ZNF804B: variants seen among roughly 807,000 people sequenced by gnomAD.
ZNF804B encodes zinc finger protein 804B.
ZNF804B carries 80 observed loss-of-function variants against 101.4 expected under a neutral mutation model. That is an observed-to-expected ratio of 0.79 (90% CI 0.66 to 0.95). The LOEUF (loss-of-function observed/expected upper bound fraction) is 0.95. Among genes scored for constraint, ZNF804B ranks in the 40% least tolerant of loss-of-function variants. The pLI is 0.00. For missense variants in ZNF804B, 1,673 were observed against 1,561.9 expected (o/e 1.07, Z -1.20); for synonymous variants, 622 against 558.8 (o/e 1.11, Z -1.59).
At chr7:89,040,270 A>G (rs1161201830) in intron 1 of ZNF804B, among the ~76,000 whole-genome samples, 1 of 150,568 alleles carries the variant, frequency 6.6e-6, no homozygotes, top group Non-Finnish European at 1.5e-5. Context: ...TACTCTTTTT[A>G]TCTTTTATTT....
intron 1 of ZNF804B, among the ~76,000 whole-genome samples, chr7:88,917,778 C>G (rs983235028): frequency 2.0e-5 from 3 of 152,084 alleles, no homozygotes; most frequent in Non-Finnish European, 2.9e-5. Context: ...ATTCTAGTGA[C>G]AGTAAACCCT....
chr7:88,808,577 G>A (rs1201081175), intron 1 of ZNF804B, among the ~76,000 whole-genome samples: 2 of 151,974 alleles, frequency 1.3e-5, no homozygotes, highest in African/African-American at 2.4e-5. Context: ...TCTAACTCTC[G>A]CATTATGTCT....
In ZNF804B at chr7:89,140,886, A is replaced by G. The variant is rs556447036; in HGVS notation, c.109-77269A>G. On this transcript the variant is annotated intron_variant, in intron 1 of 3. Transcript: ENST00000333190. Reference sequence around the variant, plus strand: ...TAAGTGTTTGATAAAGAGACCTGGCATTCAATCTATGTCAGCTTTCAATAT... The same window carrying G: ...TAAGTGTTTGATAAAGAGACCTGGCGTTCAATCTATGTCAGCTTTCAATAT... Among the ~76,000 whole-genome samples the G allele has an allele frequency of 3.3e-5, 5 of 152,194 alleles. No homozygotes were observed. In the South Asian group the frequency reaches 8.3e-4, roughly 25 times the overall value.
At chr7:89,071,614 C>A (rs373920884) in intron 1 of ZNF804B, among the ~76,000 whole-genome samples, 4 of 152,106 alleles carry the variant, frequency 2.6e-5, no homozygotes, top group African/African-American at 9.7e-5. Context: ...TTTTCTGACT[C>A]ATTCAATTAC....
intron 1 of ZNF804B, among the ~76,000 whole-genome samples, chr7:88,778,253 T>C (rs990087268): frequency 4.6e-5 from 7 of 152,196 alleles, no homozygotes; most frequent in African/African-American, 1.4e-4. Context: ...AAACTTCCTC[T>C]CATGCTGCCA....
intron 2 of ZNF804B, among the ~76,000 whole-genome samples, chr7:89,260,160 C>T (rs1307978528): frequency 6.6e-6 from 1 of 152,138 alleles, no homozygotes; most frequent in African/African-American, 2.4e-5. Flanking sequence ...TGTGGTACAA[C>T]GAAGACTGCC....
At position 89,336,403 on chromosome 7, in the gene ZNF804B, C is replaced by T; in HGVS notation, c.3421C>T (p.Pro1141Ser). The T allele has an allele frequency of 6.2e-7, 1 of 1,613,994 alleles. No individual in the cohort carries two copies. Among genetic ancestry groups the T allele is most frequent in the South Asian group, 1.1e-5 (1 of 91,080 alleles). The part of the protein sequence containing the change: ...GLEMCHKSIS[P>S]PLIQQPITFS... ...AGAAATGTGTCATAAATCTATCTCT[C>T]CCCCTTTAATTCAACAGCCCATAAC... is the stretch of plus-strand genomic sequence containing the variant. The change falls in exon 4 of 4, where the codon CCC (proline) becomes TCC (serine). Residue 1141 changes from proline (P) to serine (S), a missense_variant. Transcript: ENST00000333190.
At chr7:89,025,132 T>C (rs1368044517) in intron 1 of ZNF804B, among the ~76,000 whole-genome samples, 1 of 152,102 alleles carries the variant, frequency 6.6e-6, no homozygotes, top group African/African-American at 2.4e-5. Context: ...TTAAGCATTT[T>C]ATTGATTCTC....
intron 2 of ZNF804B, among the ~76,000 whole-genome samples, chr7:89,280,813 T>G (rs1395515356): frequency 1.3e-5 from 2 of 152,238 alleles, no homozygotes; most frequent in Non-Finnish European, 2.9e-5. Context: ...CACAGCCGAA[T>G]TCTACCAGAG....
At chr7:89,159,162 T>C (rs762579829) in intron 1 of ZNF804B, among the ~76,000 whole-genome samples, 1 of 152,184 alleles carries the variant, frequency 6.6e-6, no homozygotes, top group Non-Finnish European at 1.5e-5. Context: ...AAAAGTATCT[T>C]AATGAGTAGT....
chr7:89,129,052 C>G (rs911614964), intron 1 of ZNF804B, among the ~76,000 whole-genome samples: 4 of 151,978 alleles, frequency 2.6e-5, no homozygotes, highest in Non-Finnish European at 5.9e-5. Flanking sequence ...TTTCCAGGGA[C>G]AGGCCTAGAA....
At chr7:89,149,800 G>T (rs975216922) in intron 1 of ZNF804B, among the ~76,000 whole-genome samples, 1 of 151,090 alleles carries the variant, frequency 6.6e-6, no homozygotes, top group African/African-American at 2.4e-5. Context: ...AGAGGCTTTT[G>T]CAGGGATTCC....
rs192756629 is a variant in ZNF804B, at chr7:88,858,800, G to C, written c.108+98716G>C. ...CAGAATAATGATTTTGAAAATAACT[G>C]TTAGCATTATGTATTTGAGAAAACA... On this transcript the variant is annotated intron_variant, in intron 1 of 3. Transcript: ENST00000333190. Among the ~76,000 whole-genome samples, 19 of 152,252 alleles carry C rather than the reference G, an allele frequency of 1.2e-4. No homozygotes were observed. In the East Asian group the frequency reaches 3.5e-3, roughly 28 times the overall value.
intron 1 of ZNF804B, among the ~76,000 whole-genome samples, chr7:89,023,567 C>G (rs562377893): frequency 1.2e-4 from 19 of 152,112 alleles, no homozygotes; most frequent in Non-Finnish European, 2.5e-4. Flanking sequence ...GAGCATTTTA[C>G]TAGAGTTTAT....
At chr7:89,183,119 A>T (rs570704087) in intron 1 of ZNF804B, among the ~76,000 whole-genome samples, 3 of 152,192 alleles carry the variant, frequency 2.0e-5, no homozygotes, top group Non-Finnish European at 4.4e-5. Flanking sequence ...GTTGGCTAAA[A>T]TATAAACATG....
intron 2 of ZNF804B, among the ~76,000 whole-genome samples, chr7:89,250,144 G>A (rs891812594): frequency 4.0e-5 from 6 of 151,852 alleles, no homozygotes; most frequent in Non-Finnish European, 7.4e-5. Context: ...CTGAGATCAC[G>A]CCACTGCACT....
intron 1 of ZNF804B, among the ~76,000 whole-genome samples, chr7:88,966,366 A>G (rs1048114050): frequency 1.3e-5 from 2 of 151,668 alleles, no homozygotes; most frequent in African/African-American, 2.4e-5. Flanking sequence ...AACTATTGCA[A>G]CTAATCATAA....
intron 2 of ZNF804B, among the ~76,000 whole-genome samples, chr7:89,316,562 T>C (rs1307047575): frequency 1.3e-5 from 2 of 152,116 alleles, no homozygotes; most frequent in Non-Finnish European, 2.9e-5. Flanking sequence ...ATATGTAAGC[T>C]GAGTCTTCCA....
chr7:89,333,902 A>G lies in ZNF804B; in HGVS notation c.920A>G (p.His307Arg). The G allele has an allele frequency of 1.2e-6, 2 of 1,613,566 alleles. No homozygotes were observed. The highest frequency in any genetic ancestry group is 1.7e-5 in the Admixed American group (1 of 59,876). The change falls in exon 4 of 4, where the codon CAC becomes CGC. Residue 307 changes from histidine to arginine, a missense_variant. Coordinates refer to ENST00000333190, the MANE Select transcript of ZNF804B (RefSeq NM_181646.5). ...SINSKILQDK[H>R]DSIDETLEDS... ...AACTCTAAAATTTTGCAAGACAAACACGACTCTATTGATGAGACACTAGAA... is the reference window on the plus strand; with the variant it reads ...AACTCTAAAATTTTGCAAGACAAACGCGACTCTATTGATGAGACACTAGAA...
Sources: allele counts gnomAD v4.1 joint callset (sites outside exome capture counted in the v4.1 genomes callset), GRCh38; gene constraint gnomAD v4.1.1; transcripts MANE v1.5; gene names NCBI Gene and HGNC (gene_info 2026-07-23, HGNC 2026-07-21).